DTNB: variants seen among roughly 807,000 people sequenced by gnomAD.
The protein encoded by DTNB is dystrobrevin beta.
Under a neutral mutation model 90.7 loss-of-function variants are expected in DTNB, and 63 were observed. The ratio of observed to expected loss-of-function variants is 0.69; its 90% CI spans 0.57 to 0.86. DTNB has a LOEUF of 0.86. DTNB is among the 40% of genes least tolerant of loss of function. The pLI is 0.00. For missense variants in DTNB, 744 were observed against 807.1 expected (o/e 0.92, Z 0.95); for synonymous variants, 277 against 286.7 (o/e 0.97, Z 0.34).
At chr2:25,625,707 G>A (rs753643441) in intron 4 of DTNB, among the ~76,000 whole-genome samples, 5 of 151,824 alleles carry the variant, frequency 3.3e-5, no homozygotes, top group Non-Finnish European at 4.4e-5. Context: ...TTCTGCTTCT[G>A]AGTTTGGTCC....
At chr2:25,516,048 T>A (rs906812675) in intron 9 of DTNB, among the ~76,000 whole-genome samples, 5 of 152,186 alleles carry the variant, frequency 3.3e-5, no homozygotes, top group Non-Finnish European at 7.3e-5. Flanking sequence ...GATATGTGGA[T>A]GGTTAATATG....
chr2:25,607,442 C>T (rs1320935854), intron 4 of DTNB, 121 bp from the exon 5 acceptor site: 15 of 948,450 alleles, frequency 1.6e-5, no homozygotes, highest in Non-Finnish European at 2.3e-5. Context: ...ACAATTTTAC[C>T]ACATTTAGAA....
Position 25,388,365 on chromosome 2 carries a change from G to A in DTNB, c.1576-4C>T, listed in dbSNP as rs1171906837. The A allele has an allele frequency of 1.3e-6, 2 of 1,594,562 alleles. No homozygotes were observed. Among genetic ancestry groups the A allele is most frequent in the African/African-American group, 2.7e-5 (2 of 74,282 alleles). ...GTGGTGACCCTGTGGCCTGAGCCTG[G>A]AGATTCAAAGACAGAAAATACGTTA... On this transcript the variant is annotated splice_polypyrimidine_tract_variant and splice_region_variant and intron_variant, in intron 16 of 20. Coordinates refer to ENST00000406818, the MANE Select transcript of DTNB (RefSeq NM_021907.5).
rs1430729725 is a variant in DTNB at position 25,453,210 on chromosome 2, T to G, written c.1170-1575A>C. Among the ~76,000 whole-genome samples, 4 of 152,204 alleles carry G rather than the reference T, an allele frequency of 2.6e-5. No homozygotes were observed. The East Asian group carries it at 5.8e-4, about 22-fold the overall frequency. ...GCTCCTTTTTCTCAATCACATTCTA[T>G]CTCCTTAGGAAGGTTGATCCTATTT... On this transcript the variant is annotated intron_variant, in intron 11 of 20. Transcript: ENST00000406818.
At chr2:25,607,039 CAAT>C (rs1192921956) in intron 5 of DTNB, among the ~76,000 whole-genome samples, 194 bp downstream of exon 5, 3 of 152,118 alleles carry the variant, frequency 2.0e-5, no homozygotes, top group Non-Finnish European at 2.9e-5. Flanking sequence ...AAAGGACTAA[CAAT>C]AAATTAAATT....
intron 4 of DTNB, among the ~76,000 whole-genome samples, chr2:25,610,567 C>T (rs2068339247): frequency 6.6e-6 from 1 of 151,992 alleles, no homozygotes; most frequent in Non-Finnish European, 1.5e-5. Flanking sequence ...CAAAATGTTC[C>T]CTCATGAACA....
chr2:25,516,762 C>A (rs146831584), intron 9 of DTNB, among the ~76,000 whole-genome samples: 2 of 151,536 alleles, frequency 1.3e-5, no homozygotes. Context: ...TGGTGGTGGG[C>A]GCCTGTAATC....
intron 8 of DTNB, among the ~76,000 whole-genome samples, chr2:25,568,896 G>A (rs2059424445): frequency 6.6e-6 from 1 of 152,214 alleles, no homozygotes; most frequent in East Asian, 1.9e-4. Flanking sequence ...AAGTGAGGCT[G>A]CACTCCTCCC....
Position 25,611,050 on chromosome 2 carries a change from T to G in DTNB, c.363-3729A>C, listed in dbSNP as rs74381950. ...TGACTTCTAGTATCATAGGTCAGAT[T>G]TGGCAGCAATTGAACTTCATACAAA... is the stretch of plus-strand genomic sequence containing the variant. On this transcript the variant is annotated intron_variant, in intron 4 of 20. Transcript: ENST00000406818. Among the ~76,000 whole-genome samples, 8 of 152,314 alleles carry G rather than the reference T, an allele frequency of 5.3e-5. No individual in the cohort carries two copies. In the East Asian group the frequency reaches 1.5e-3, roughly 29 times the overall value.
At chr2:25,434,758 A>C (rs2055137691) in intron 12 of DTNB, among the ~76,000 whole-genome samples, 1 of 152,228 alleles carries the variant, frequency 6.6e-6, no homozygotes, top group South Asian at 2.1e-4. Flanking sequence ...TATGATAACT[A>C]TAATTAACAT....
At chr2:25,633,262 T>C (rs1004828473) in intron 3 of DTNB, among the ~76,000 whole-genome samples, 1 of 145,774 alleles carries the variant, frequency 6.9e-6, no homozygotes, top group African/African-American at 2.5e-5. Flanking sequence ...GCAACCTCCC[T>C]GCCTGATTCT....
intron 8 of DTNB, among the ~76,000 whole-genome samples, chr2:25,543,241 TTC>T (rs1201443163): frequency 6.6e-6 from 1 of 152,164 alleles, no homozygotes; most frequent in African/African-American, 2.4e-5. Context: ...AACTTACAAG[TTC>T]TCTGTGTCCT....
chr2:25,540,411 C>G (rs1439862131), intron 8 of DTNB, among the ~76,000 whole-genome samples: 1 of 152,066 alleles, frequency 6.6e-6, no homozygotes, highest in African/African-American at 2.4e-5. Context: ...TACAGCAGCC[C>G]TGCTCTTTTT....
At chr2:25,475,080 A>G (rs1314646063) in intron 10 of DTNB, among the ~76,000 whole-genome samples, 1 of 152,194 alleles carries the variant, frequency 6.6e-6, no homozygotes, top group East Asian at 1.9e-4. Context: ...TAAGTGCTCA[A>G]GTGAAAGGAA....
intron 4 of DTNB, among the ~76,000 whole-genome samples, chr2:25,623,015 A>C (rs1295909764): frequency 4.6e-5 from 7 of 152,208 alleles, no homozygotes; most frequent in African/African-American, 1.7e-4. Flanking sequence ...TTCCAAAAGG[A>C]AACAAAGTTA....
intron 9 of DTNB, among the ~76,000 whole-genome samples, chr2:25,522,416 T>G (rs1457993716): frequency 6.6e-6 from 1 of 152,262 alleles, no homozygotes; most frequent in African/African-American, 2.4e-5. Context: ...CCTGTGTATA[T>G]AAATTGTGTT....
Position 25,396,049 on chromosome 2 carries a change from A to T in DTNB, c.1576-7688T>A, listed in dbSNP as rs536883616. 1.8e-3 allele frequency among the ~76,000 whole-genome samples: 273 copies of T among 152,328 alleles called. 1 individual carries two copies. The highest frequency in any genetic ancestry group is 6.4e-3 in the African/African-American group (264 of 41,568). ...CCCATCAATCAACGAGTGGATAAAG[A>T]AAATGTGGTAAATGCATACCATGGA... On this transcript the variant is annotated intron_variant, in intron 16 of 20. Coordinates refer to ENST00000406818, the MANE Select transcript of DTNB (RefSeq NM_021907.5).
At chr2:25,579,367 TTC>T (rs1482738238) in intron 7 of DTNB, among the ~76,000 whole-genome samples, 1 of 152,220 alleles carries the variant, frequency 6.6e-6, no homozygotes, top group Non-Finnish European at 1.5e-5. Flanking sequence ...GAAAATTTTA[TTC>T]TGAAGTATGG....
At chr2:25,446,594 T>A (rs1160367954) in intron 12 of DTNB, among the ~76,000 whole-genome samples, 1 of 152,182 alleles carries the variant, frequency 6.6e-6, no homozygotes, top group East Asian at 1.9e-4. Context: ...TTATAAATTG[T>A]TGTATTGTTT....
Sources: gnomAD v4.1 joint callset for allele counts (sites outside exome capture counted in the v4.1 genomes callset) on GRCh38, gnomAD v4.1.1 for gene constraint, MANE v1.5 for transcripts, NCBI Gene and HGNC (gene_info 2026-07-23, HGNC 2026-07-21) for gene names.